The following RARB variants were observed in gnomAD, a reference collection of about 807,000 sequenced individuals.
The protein encoded by RARB is HBV-activated protein.
RARB carries 17 observed loss-of-function variants against 51.9 expected under a neutral mutation model. That is an observed-to-expected ratio of 0.33 (90% confidence interval 0.22 to 0.49). The LOEUF (loss-of-function observed/expected upper bound fraction) is 0.49, where lower values mean the gene tolerates loss of function less well. Among genes scored for constraint, RARB ranks in the 20% least tolerant of loss-of-function variants. The pLI is 0.99. For synonymous variants in RARB, 215 were observed against 195.4 expected (o/e 1.10, Z -0.84); for missense variants, 369 against 550.8 (o/e 0.67, Z 3.30).
At chr3:25,145,598 T>C (rs184398129) in intron 4 of RARB, among the ~76,000 whole-genome samples, 155 of 152,274 alleles carry the variant, frequency 1.0e-3, no homozygotes, top group Middle Eastern at 3.4e-3. Flanking sequence ...CAGTGGACAT[T>C]AGGCACAAGG....
At chr3:25,334,171 T>C (rs1704990554) in intron 5 of RARB, among the ~76,000 whole-genome samples, 1 of 152,198 alleles carries the variant, frequency 6.6e-6, no homozygotes, top group South Asian at 2.1e-4. Context: ...AGTCATCCTA[T>C]TACTGGGTAT....
chr3:25,203,929 G>A (rs1701461588), intron 5 of RARB, among the ~76,000 whole-genome samples: 2 of 152,236 alleles, frequency 1.3e-5, no homozygotes, highest in Non-Finnish European at 2.9e-5. Flanking sequence ...TTCTTGAGGA[G>A]TATCTTTGGG....
intron 4 of RARB, among the ~76,000 whole-genome samples, chr3:25,135,166 C>T (rs992244766): frequency 4.3e-4 from 65 of 151,184 alleles, no homozygotes; most frequent in African/African-American, 1.9e-4. Flanking sequence ...TTCGATCCAT[C>T]GATAGAGTAG....
At chr3:25,204,917 C>G (rs1316396396) in intron 5 of RARB, among the ~76,000 whole-genome samples, 5 of 152,204 alleles carry the variant, frequency 3.3e-5, no homozygotes, top group Non-Finnish European at 7.3e-5. Context: ...AGATCTCAAG[C>G]TGCGTGCTGG....
intron 5 of RARB, among the ~76,000 whole-genome samples, chr3:25,179,570 A>G (rs979434864): frequency 6.6e-6 from 1 of 152,178 alleles, no homozygotes; most frequent in African/African-American, 2.4e-5. Flanking sequence ...TGAAAGTAAG[A>G]CACTTCTTGG....
chr3:25,407,983 A>G (rs1707457464), intron 5 of RARB, among the ~76,000 whole-genome samples: 1 of 151,966 alleles, frequency 6.6e-6, no homozygotes, highest in Non-Finnish European at 1.5e-5. Flanking sequence ...ACGTCTCAAT[A>G]ACACATCTTT....
chr3:25,145,279 A>G (rs536686235), intron 4 of RARB, among the ~76,000 whole-genome samples: 5 of 152,206 alleles, frequency 3.3e-5, no homozygotes, highest in Non-Finnish European at 5.9e-5. Flanking sequence ...AAGCCACGGC[A>G]ATGGTGGTTC....
intron 5 of RARB, among the ~76,000 whole-genome samples, chr3:25,355,020 C>A (rs1705690415): frequency 6.6e-6 from 1 of 151,988 alleles, no homozygotes; most frequent in African/African-American, 2.4e-5. Context: ...CAACTTTGGG[C>A]AAGTTATAGC....
At chr3:25,178,620 C>A (rs1700802954) in intron 5 of RARB, among the ~76,000 whole-genome samples, 1 of 152,046 alleles carries the variant, frequency 6.6e-6, no homozygotes, top group Admixed American at 6.6e-5. Flanking sequence ...CCATGGACAT[C>A]TTTTTTCCAC....
intron 5 of RARB, among the ~76,000 whole-genome samples, chr3:25,371,487 A>C (rs764350110): frequency 1.3e-5 from 2 of 152,220 alleles, no homozygotes; most frequent in African/African-American, 4.8e-5. Context: ...TTAAGAGCAA[A>C]ATATCTTTCA....
intron 3 of RARB, among the ~76,000 whole-genome samples, chr3:25,076,619 C>A (rs1304455255): frequency 1.3e-5 from 2 of 152,090 alleles, no homozygotes; most frequent in Non-Finnish European, 2.9e-5. Context: ...GTTACCTGAA[C>A]GTTTACATAT....
chr3:25,566,130 C>T lies in RARB; in HGVS notation c.449-3628C>T, dbSNP rs968712279. Among the ~76,000 whole-genome samples, 5 of 152,342 alleles carry T rather than the reference C, an allele frequency of 3.3e-5. No homozygotes were observed. In the East Asian group the frequency reaches 9.6e-4, roughly 29 times the overall value. On this transcript the variant is annotated intron_variant, in intron 3 of 7. Transcript: ENST00000330688. ...CCGTGGCTTCTTGTGCACTGTGTCA[C>T]CTCCATGATTCTGGTGGTTCTTGGC... is the stretch of plus-strand genomic sequence containing the variant.
In RARB at chr3:24,891,972, T is replaced by C. The variant is rs1703388449; in HGVS notation, c.-380+33220T>C. Among the ~76,000 whole-genome samples, 3 of 151,988 alleles carry C rather than the reference T, an allele frequency of 2.0e-5. No homozygotes were observed. In the South Asian group the frequency reaches 6.2e-4, roughly 31 times the overall value. The stretch of plus-strand genomic sequence containing the variant: ...GTGGTTGAGAATTTACCAAAGGAGA[T>C]GGTTGGCATGTGAGACTAGAGGACT... On this transcript the variant is annotated intron_variant, in intron 2 of 11. Transcript: ENST00000383772.
At chr3:25,087,352 G>C (rs538748954) in intron 3 of RARB, among the ~76,000 whole-genome samples, 2 of 152,170 alleles carry the variant, frequency 1.3e-5, no homozygotes, top group African/African-American at 4.8e-5. Context: ...CTCAGGTTTT[G>C]AAGGATATAT....
chr3:25,285,545 C>T (rs984909922), intron 5 of RARB, among the ~76,000 whole-genome samples: 7 of 152,090 alleles, frequency 4.6e-5, no homozygotes, highest in Admixed American at 1.3e-4. Context: ...TTGAATTGAA[C>T]CTGACAGACC....
chr3:25,357,026 A>G (rs1705763996), intron 5 of RARB, among the ~76,000 whole-genome samples: 1 of 152,176 alleles, frequency 6.6e-6, no homozygotes, highest in Non-Finnish European at 1.5e-5. Context: ...TTGGGTATAT[A>G]CCTACTAATG....
intron 3 of RARB, among the ~76,000 whole-genome samples, chr3:25,080,474 C>T (rs1480330562): frequency 6.6e-6 from 1 of 152,116 alleles, no homozygotes; most frequent in Admixed American, 6.5e-5. Context: ...TTACATCTAC[C>T]TTTTGAGGAA....
chr3:24,879,451 TA>T (rs1183461595), intron 2 of RARB, among the ~76,000 whole-genome samples: 3 of 143,734 alleles, frequency 2.1e-5, no homozygotes, highest in Non-Finnish European at 3.0e-5. Context: ...AAATAAAAAA[TA>T]AAAAAATTGA....
chr3:25,333,101 C>T (rs1226071995), intron 5 of RARB, among the ~76,000 whole-genome samples: 2 of 152,084 alleles, frequency 1.3e-5, no homozygotes, highest in East Asian at 3.8e-4. Flanking sequence ...GCCATAGTGC[C>T]CAAGGTAATT....
Sources: gnomAD v4.1 joint callset for allele counts (sites outside exome capture counted in the v4.1 genomes callset) on GRCh38, gnomAD v4.1.1 for gene constraint, MANE v1.5 for transcripts, NCBI Gene and HGNC (gene_info 2026-07-23, HGNC 2026-07-21) for gene names.